Variants in PCDHGB6 observed in about 807,000 individuals in gnomAD.
PCDHGB6 encodes protocadherin gamma-B6.
PCDHGB6 carries 51 observed loss-of-function variants against 59.1 expected under a neutral mutation model. The observed-to-expected ratio is 0.86, with a 90% CI of 0.69 to 1.09. The LOEUF is 1.09. PCDHGB6 is among the 50% of genes least tolerant of loss of function. The pLI is 0.00. For missense variants in PCDHGB6, 1,148 were observed against 1,205.1 expected (o/e 0.95, Z 0.70); for synonymous variants, 466 against 495.1 (o/e 0.94, Z 0.78).
chr5:141,433,634 G>T (rs2097636752), intron 1 of PCDHGB6, among the ~76,000 whole-genome samples: 1 of 152,078 alleles, frequency 6.6e-6, no homozygotes, highest in Admixed American at 6.5e-5. Flanking sequence ...TTGGGAGTTT[G>T]AGACCAGCCT....
rs570379716 is a variant in PCDHGB6 at position 141,452,090 on chromosome 5, G to A, written c.2418+41470G>A. Among the ~76,000 whole-genome samples, 3 of 152,256 alleles carry A rather than the reference G, an allele frequency of 2.0e-5. No individual in the cohort carries two copies. The South Asian group carries it at 6.2e-4, about 32-fold the overall frequency. On this transcript the variant is annotated intron_variant, in intron 1 of 3. Coordinates refer to ENST00000520790, the MANE Select transcript of PCDHGB6 (RefSeq NM_018926.3). The stretch of plus-strand genomic sequence containing the variant: ...TTTATTAGTTGGCATTATACAGTAA[G>A]AAAGAGCTTTCTTTTCTCTTCTTAT...
Position 141,477,197 on chromosome 5 carries a change from G to C in PCDHGB6, c.2419-17610G>C, listed in dbSNP as rs781504885. 6.2e-7 allele frequency: 1 copy of C among 1,614,210 alleles called. No homozygotes were observed. Among genetic ancestry groups the C allele is most frequent in the South Asian group, 1.1e-5 (1 of 91,082 alleles). On this transcript the variant is annotated intron_variant, in intron 1 of 3. Transcript: ENST00000520790. The surrounding 1 kb of genome is among the most constrained non-coding windows in gnomAD (Gnocchi z 4.9). ...CACAGTCACCTCCGTGTACAGCCCA[G>C]TACCCGAGGATGCCCCTCTGGGGAC...
intron 3 of PCDHGB6, among the ~76,000 whole-genome samples, chr5:141,510,354 G>A (rs1311482557): frequency 2.1e-5 from 3 of 146,300 alleles, no homozygotes; most frequent in Non-Finnish European, 4.5e-5. Flanking sequence ...ACTTACTAAC[G>A]GAACTACCGA....
chr5:141,442,014 G>T, intron 1 of PCDHGB6: 1 of 220,044 alleles, frequency 4.5e-6, no homozygotes, highest in Non-Finnish European at 9.2e-6. Flanking sequence ...TCGCACGATG[G>T]GCCACAGGAA....
In PCDHGB6 at chr5:141,485,910, G is replaced by C. The variant is rs142273728; in HGVS notation, c.2419-8897G>C. On this transcript the variant is annotated intron_variant, in intron 1 of 3. Transcript: ENST00000520790. The surrounding 1 kb of genome is among the most constrained non-coding windows in gnomAD (Gnocchi z 5.7). ...AACGCCCCAGCCTTCCAGCAATCCAGCTACAGGATTAGTGTGTTGGAGAGC... is the reference window on the plus strand; with the variant it reads ...AACGCCCCAGCCTTCCAGCAATCCACCTACAGGATTAGTGTGTTGGAGAGC... The C allele has an allele frequency of 1.2e-6, 2 of 1,614,078 alleles. No homozygotes were observed. Among genetic ancestry groups the C allele is most frequent in the African/African-American group, 2.7e-5 (2 of 74,932 alleles).
chr5:141,420,252 C>G (rs745697672), intron 1 of PCDHGB6: 2 of 1,576,604 alleles, frequency 1.3e-6, no homozygotes, highest in Non-Finnish European at 1.7e-6. Flanking sequence ...AGCGTTGAAG[C>G]AGATAAGAAG....
In PCDHGB6 at chr5:141,408,851, G is replaced by T; in HGVS notation, c.649G>T (p.Gly217Ter). ...SHSLILTALD[G>*]GDPPRSATAH... The stretch of plus-strand genomic sequence containing the variant: ...TAGCTTGATATTGACTGCCTTGGAC[G>T]GAGGGGACCCACCAAGAAGTGCCAC... Residue 217 changes from glycine (G) to a stop codon, truncating the protein, a stop_gained, in exon 1 of 4, where the codon GGA becomes TGA. Coordinates refer to ENST00000520790, the MANE Select transcript of PCDHGB6 (RefSeq NM_018926.3). LOFTEE classifies it high-confidence loss of function. 2.5e-6 allele frequency: 4 copies of T among 1,613,574 alleles called. No homozygotes were observed. The highest frequency in any genetic ancestry group is 1.3e-5 in the African/African-American group (1 of 74,996).
chr5:141,460,275 A>G (rs2154566824), intron 1 of PCDHGB6, among the ~76,000 whole-genome samples: 1 of 152,098 alleles, frequency 6.6e-6, no homozygotes, highest in East Asian at 1.9e-4. Context: ...TTTTTCTTTT[A>G]TAGTTTGTAT....
In PCDHGB6 at chr5:141,485,222, C is replaced by A; in HGVS notation, c.2419-9585C>A. The A allele has an allele frequency of 6.2e-7, 1 of 1,614,196 alleles. No homozygotes were observed. The highest frequency in any genetic ancestry group is 8.5e-7 in the Non-Finnish European group (1 of 1,180,020). On this transcript the variant is annotated intron_variant, in intron 1 of 3. Transcript: ENST00000520790. This position sits in a 1 kb window ranked among gnomAD's most constrained non-coding sequence, Gnocchi z 5.7. ...GACAGAAATCTGGCGGTGGGCTACC[C>A]TTTTGTTCCTCTTTTACCACCTGGG...
In PCDHGB6 at chr5:141,432,612, C is replaced by T. The variant is rs752901891; in HGVS notation, c.2418+21992C>T. 1.9e-6 allele frequency: 3 copies of T among 1,613,912 alleles called. No individual in the cohort carries two copies. The highest frequency in any genetic ancestry group is 2.5e-6 in the Non-Finnish European group (3 of 1,179,970). On this transcript the variant is annotated intron_variant, in intron 1 of 3. Transcript: ENST00000520790. The surrounding 1 kb of genome is among the most constrained non-coding windows in gnomAD (Gnocchi z 6.0). ...AAGGCCAGCGAGCCGGGACTCTTCT[C>T]GGTGGGTCTGCACACGGGCGAGGTG...
chr5:141,432,919 C>T lies in PCDHGB6; in HGVS notation c.2418+22299C>T. ...TGGCGCTCAGGCTGCGGCGCTGGCACAAGTCACGCCTGCTGCAGGCTTCAG... is the reference window on the plus strand; with the variant it reads ...TGGCGCTCAGGCTGCGGCGCTGGCATAAGTCACGCCTGCTGCAGGCTTCAG... On this transcript the variant is annotated intron_variant, in intron 1 of 3. Coordinates refer to ENST00000520790, the MANE Select transcript of PCDHGB6 (RefSeq NM_018926.3). The surrounding 1 kb of genome is among the most constrained non-coding windows in gnomAD (Gnocchi z 6.0). The T allele has an allele frequency of 2.5e-6, 4 of 1,614,210 alleles. No individual in the cohort carries two copies. Among genetic ancestry groups the T allele is most frequent in the Non-Finnish European group, 3.4e-6 (4 of 1,180,040 alleles).
At chr5:141,412,195 C>T (rs1326751515) in intron 1 of PCDHGB6, 2 of 152,208 alleles carry the variant, frequency 1.3e-5, no homozygotes, top group African/African-American at 4.8e-5. Context: ...CTGATGAAAA[C>T]AGGTCATTTG....
chr5:141,419,996 C>G, intron 1 of PCDHGB6: 1 of 1,614,084 alleles, frequency 6.2e-7, no homozygotes, highest in Non-Finnish European at 8.5e-7. Context: ...AGCTATTGCT[C>G]TACGCCTGCG....
chr5:141,502,037 C>T (rs2154593041), intron 2 of PCDHGB6, among the ~76,000 whole-genome samples: 1 of 152,302 alleles, frequency 6.6e-6, no homozygotes, highest in East Asian at 1.9e-4. Context: ...CGCCGCTTGC[C>T]TGCTCTCCCT....
At chr5:141,422,568 C>A (rs372115955) in intron 1 of PCDHGB6, 5 of 1,613,904 alleles carry the variant, frequency 3.1e-6, no homozygotes, top group Admixed American at 3.3e-5. Context: ...CAGATGACAA[C>A]GATAACCCTC....
rs560662076 is a variant in PCDHGB6, at chr5:141,498,856, C to A, written c.2477+3991C>A. Among the ~76,000 whole-genome samples, 72 of 152,004 alleles carry A rather than the reference C, an allele frequency of 4.7e-4. 2 individuals carry two copies. Among genetic ancestry groups the A allele is most frequent in the African/African-American group, 1.7e-3 (69 of 41,430 alleles). ...GCTGAGGCAGGGGAATCGCTTGAACCCAGGAGGCGGAGGTTGCAGTGAGCT... is the reference window on the plus strand; with the variant it reads ...GCTGAGGCAGGGGAATCGCTTGAACACAGGAGGCGGAGGTTGCAGTGAGCT... On this transcript the variant is annotated intron_variant, in intron 2 of 3. Coordinates refer to ENST00000520790, the MANE Select transcript of PCDHGB6 (RefSeq NM_018926.3).
intron 1 of PCDHGB6, among the ~76,000 whole-genome samples, chr5:141,451,107 C>G (rs768308463): frequency 1.2e-4 from 18 of 152,118 alleles, no homozygotes; most frequent in Non-Finnish European, 2.4e-4. Context: ...GGATTACAGG[C>G]GTGAGCCACC....
At chr5:141,427,814 G>T in intron 1 of PCDHGB6, 2 of 1,526,562 alleles carry the variant, frequency 1.3e-6, no homozygotes, top group South Asian at 2.2e-5. Context: ...CACAGAGCGG[G>T]GTGGTGGTCG....
chr5:141,413,747 A>G (rs1208637349), intron 1 of PCDHGB6: 7 of 1,613,230 alleles, frequency 4.3e-6, no homozygotes, highest in African/African-American at 4.0e-5. Flanking sequence ...AGCCGTGCCA[A>G]TGGCGTCAAG....
Sources: gnomAD v4.1 joint callset for allele counts (sites outside exome capture counted in the v4.1 genomes callset) on GRCh38, gnomAD v4.1.1 for gene constraint, Gnocchi (gnomAD v3.1) non-coding constraint, MANE v1.5 for transcripts, NCBI Gene and HGNC (gene_info 2026-07-23, HGNC 2026-07-21) for gene names.